AACS: variants seen among roughly 807,000 people sequenced by gnomAD.
AACS encodes the protein acetoacetate-CoA ligase.
A neutral mutation model predicts 83.1 loss-of-function variants in AACS; 69 were observed. That is an observed-to-expected ratio of 0.83 (90% CI 0.68 to 1.01). The LOEUF (loss-of-function observed/expected upper bound fraction) is 1.01. Among genes scored for constraint, AACS ranks in the 50% least tolerant of loss-of-function variants. The pLI, the probability that AACS is intolerant of heterozygous loss-of-function variation, is 0.00. For missense variants in AACS, 866 were observed against 882.2 expected (o/e 0.98, Z 0.23); for synonymous variants, 333 against 343.4 (o/e 0.97, Z 0.33).
intron 5 of AACS, among the ~76,000 whole-genome samples, chr12:125,098,718 T>C (rs1956663615): frequency 6.6e-6 from 1 of 152,228 alleles, no homozygotes; most frequent in African/African-American, 2.4e-5. Flanking sequence ...CTCCCGGTGT[T>C]GGGTGTACAG....
chr12:125,090,223 C>T lies in AACS; in HGVS notation c.473-1203C>T, dbSNP rs373321704. 1.8e-3 allele frequency among the ~76,000 whole-genome samples: 248 copies of T among 141,286 alleles called. 35 individuals carry two copies. The highest frequency in any genetic ancestry group is 3.8e-3 in the Middle Eastern group (1 of 260). 92.7% of individuals were successfully genotyped at this position (141,286 alleles called of 152,430 possible). A position where few individuals can be genotyped will look rare whatever the true frequency, so the allele number is the denominator to read the frequency against. ...ATTTACCCATTATCCATCTATCCAT[C>T]CATTTATTATGCTTCCACCCATCAT... On this transcript the variant is annotated intron_variant, in intron 4 of 17. Coordinates refer to ENST00000316519, the MANE Select transcript of AACS (RefSeq NM_023928.5).
In AACS at chr12:125,083,802, C is replaced by T. The variant is rs942392044; in HGVS notation, c.359-2528C>T. Among the ~76,000 whole-genome samples, 4 of 151,596 alleles carry T rather than the reference C, an allele frequency of 2.6e-5. 1 individual carries two copies. The highest frequency in any genetic ancestry group is 9.7e-5 in the African/African-American group (4 of 41,270). ...CTGAGTAGCTGGGATTACAGGCGTC[C>T]ACCACCACGCCCGGCTAAGTTTTAT... On this transcript the variant is annotated intron_variant, in intron 3 of 17. Transcript: ENST00000316519.
At chr12:125,084,882 T>C (rs1019410942) in intron 3 of AACS, among the ~76,000 whole-genome samples, 17 of 152,130 alleles carry the variant, frequency 1.1e-4, no homozygotes, top group African/African-American at 4.1e-4. Context: ...CTGCCTAGCC[T>C]TAGTTTTAAC....
intron 5 of AACS, among the ~76,000 whole-genome samples, chr12:125,093,804 G>A (rs868211331): frequency 1.5e-4 from 23 of 152,362 alleles, no homozygotes; most frequent in African/African-American, 3.4e-4. Context: ...CCATCCTGCC[G>A]GAGACGGGGG....
chr12:125,078,256 A>G (rs1320278786), intron 3 of AACS: 1 of 456,228 alleles, frequency 2.2e-6, no homozygotes, highest in Non-Finnish European at 4.4e-6. Context: ...ACTGGGACAC[A>G]TCTTCCGGGG....
chr12:125,114,135 C>G lies in AACS; in HGVS notation c.916-342C>G, dbSNP rs149168511. On this transcript the variant is annotated intron_variant, in intron 8 of 17. Transcript: ENST00000316519. ...GGCCCTGGTCTTTTGCTCGTTGACT[C>G]TCTTCTCAGGAAGGGTCACTTCTCT... Among the ~76,000 whole-genome samples the G allele has an allele frequency of 1.2e-3, 183 of 152,150 alleles. 1 individual carries two copies. Among genetic ancestry groups the G allele is most frequent in the African/African-American group, 4.0e-3 (164 of 41,516 alleles).
chr12:125,079,797 C>G (rs1158782358), intron 3 of AACS, among the ~76,000 whole-genome samples: 3 of 152,166 alleles, frequency 2.0e-5, no homozygotes, highest in Non-Finnish European at 4.4e-5. Flanking sequence ...CAGCCACCAC[C>G]CCTAGTTCCA....
At chr12:125,102,524 G>A in intron 5 of AACS, 155 bp from the exon 6 acceptor site, 1 of 679,242 alleles carries the variant, frequency 1.5e-6, no homozygotes, top group Non-Finnish European at 2.7e-6. Context: ...GAATGCAGTG[G>A]TGCAAGCATA....
At chr12:125,127,152 G>A (rs1249050626) in intron 12 of AACS, 1 of 151,872 alleles carries the variant, frequency 6.6e-6, no homozygotes, top group East Asian at 2.0e-4. Context: ...AAAAAAAAAG[G>A]TGCCATTTGC....
At chr12:125,114,798 G>A (rs577271265) in intron 9 of AACS, among the ~76,000 whole-genome samples, 3 of 151,578 alleles carry the variant, frequency 2.0e-5, no homozygotes, top group African/African-American at 4.8e-5. Flanking sequence ...TTCCCCAGGC[G>A]CCGGCCCGTG....
At position 125,075,996 on chromosome 12, in the gene AACS, C is replaced by T. The variant is rs139427272; in HGVS notation, c.238-495C>T. ...AAAAGGGAGTCCTGCCATTCAAAGTCGAATTTATTGTCTCCTTGGGGCAAA... is the reference window on the plus strand; with the variant it reads ...AAAAGGGAGTCCTGCCATTCAAAGTTGAATTTATTGTCTCCTTGGGGCAAA... On this transcript the variant is annotated intron_variant, in intron 2 of 17. Coordinates refer to ENST00000316519, the MANE Select transcript of AACS (RefSeq NM_023928.5). 6.6e-5 allele frequency among the ~76,000 whole-genome samples: 10 copies of T among 152,290 alleles called. No individual in the cohort carries two copies. The East Asian group carries it at 1.9e-3, about 29-fold the overall frequency.
rs1957513769 is a variant in AACS, at chr12:125,142,345, CT to C, written c.*117del. Reference sequence around the variant, plus strand: ...TAAAAGGATGCTCGCACCAAGTGTTCTGTAGGCTTGGGGAGGGATCGTTTCT... The same window carrying C: ...TAAAAGGATGCTCGCACCAAGTGTTCGTAGGCTTGGGGAGGGATCGTTTCT... On this transcript the variant is annotated 3_prime_UTR_variant, in exon 18 of 18. Transcript: ENST00000316519. The C allele has an allele frequency of 7.0e-7, 1 of 1,420,204 alleles. No homozygotes were observed. Among genetic ancestry groups the C allele is most frequent in the East Asian group, 2.4e-5 (1 of 41,162 alleles). The allele number at this position is 1,420,204 out of a possible 1,614,324, so 88.0% of individuals were successfully genotyped here.
Position 125,142,098 on chromosome 12 carries a change from C to T in AACS, c.1888C>T (p.Leu630Phe), listed in dbSNP as rs144566097. The change falls in exon 18 of 18, where the codon CTC becomes TTC. Residue 630 changes from leucine to phenylalanine, a missense_variant. By Grantham distance (22) the Leu-to-Phe change is conservative (BLOSUM62 0). Coordinates refer to ENST00000316519, the MANE Select transcript of AACS (RefSeq NM_023928.5). The stretch of plus-strand genomic sequence containing the variant: ...TTCTACCTTTCCCTCGCAGTATACG[C>T]TCAACGGCAAGAAAGTGGAAGTTGC... ...ILETKGIPYT[L>F]NGKKVEVAVK... 5 of 1,613,970 alleles carry T rather than the reference C, an allele frequency of 3.1e-6. No homozygotes were observed. In the African/African-American group the frequency reaches 6.7e-5, roughly 22 times the overall value.
intron 14 of AACS, among the ~76,000 whole-genome samples, chr12:125,133,043 C>T (rs770486028): frequency 2.0e-5 from 3 of 152,192 alleles, no homozygotes; most frequent in Non-Finnish European, 2.9e-5. Context: ...AGGAAATCTT[C>T]GGGGCGTTAT....
chr12:125,077,624 G>A (rs1956058803), intron 3 of AACS, among the ~76,000 whole-genome samples: 2 of 151,916 alleles, frequency 1.3e-5, no homozygotes, highest in Admixed American at 6.6e-5. Context: ...TCTGCCTCCA[G>A]AATATTACAT....
chr12:125,090,078 T>C (rs1956434266), intron 4 of AACS, among the ~76,000 whole-genome samples: 1 of 148,714 alleles, frequency 6.7e-6, no homozygotes, highest in Admixed American at 6.7e-5. Flanking sequence ...ATCCATCCAC[T>C]CATCTATCCT....
intron 11 of AACS, 23 bp downstream of exon 11, chr12:125,124,792 C>T: frequency 6.2e-7 from 1 of 1,614,044 alleles, no homozygotes; most frequent in Non-Finnish European, 8.5e-7. Flanking sequence ...CTTCAGTACT[C>T]ATTCCCTGTA....
At chr12:125,076,413 G>A in intron 2 of AACS, 78 bp from the exon 3 acceptor site, 2 of 1,559,524 alleles carry the variant, frequency 1.3e-6, no homozygotes, top group Non-Finnish European at 1.7e-6. Flanking sequence ...TTGCTGATTT[G>A]TGACATAGTC....
chr12:125,077,074 A>ATT (rs36067220), intron 3 of AACS, among the ~76,000 whole-genome samples: 39 of 121,250 alleles, frequency 3.2e-4, no homozygotes, highest in East Asian at 4.8e-4. Context: ...TGCATGGCTG[A>ATT]TTTTTTTTTT....
Sources: allele counts gnomAD v4.1 joint callset (sites outside exome capture counted in the v4.1 genomes callset), GRCh38; gene constraint gnomAD v4.1.1; transcripts MANE v1.5; gene names NCBI Gene and HGNC (gene_info 2026-07-23, HGNC 2026-07-21).